Variants in ADGRV1 observed in about 807,000 individuals in gnomAD.
ADGRV1 encodes adhesion G protein-coupled receptor V1.
In ADGRV1, 359 loss-of-function variants were observed where a neutral mutation model predicts 596.2. The ratio of observed to expected loss-of-function variants is 0.60; its 90% CI spans 0.55 to 0.66. ADGRV1 has a LOEUF of 0.66. Among genes scored for constraint, ADGRV1 ranks in the 30% least tolerant of loss-of-function variants. The pLI is 0.00. For missense variants in ADGRV1, 7,274 were observed against 7,575.6 expected, an observed-to-expected ratio of 0.96 and a Z score of 1.48; for synonymous variants, 2,681 against 2,679.2, an observed-to-expected ratio of 1.00 and a Z score of -0.02.
chr5:90,783,274 A>C lies in ADGRV1; in HGVS notation c.13382A>C (p.His4461Pro). 3 of 1,613,566 alleles carry C rather than the reference A, an allele frequency of 1.9e-6. No homozygotes were observed. Among genetic ancestry groups the C allele is most frequent in the South Asian group, 2.2e-5 (2 of 91,070 alleles). Residue 4461 changes from histidine to proline, a missense_variant, in exon 66 of 90, where the codon CAT becomes CCT. Physicochemically the swap from His to Pro is moderately conservative, Grantham distance 77. Transcript: ENST00000405460. ...CATGGCAGTACAGTCACCTTTCAGC[A>C]TGGGCAAAACTTAAGTTTTATAAAT... Reference protein sequence around the residue: ...ILHGSTVTFQHGQNLSFINIS... With the variant: ...ILHGSTVTFQPGQNLSFINIS...
intron 5 of ADGRV1, among the ~76,000 whole-genome samples, chr5:90,623,344 T>C (rs1351948761): frequency 6.6e-6 from 1 of 152,200 alleles, no homozygotes; most frequent in Non-Finnish European, 1.5e-5. Context: ...AGACAGGAAA[T>C]TTTAAAATAC....
intron 77 of ADGRV1, among the ~76,000 whole-genome samples, chr5:90,838,768 G>C (rs1045805405): frequency 3.3e-5 from 5 of 152,070 alleles, no homozygotes; most frequent in Non-Finnish European, 7.3e-5. Flanking sequence ...GCTGAGCGTA[G>C]TGGTGCAAGC....
At position 90,728,752 on chromosome 5, in the gene ADGRV1, G is replaced by A. The variant is rs1002391129; in HGVS notation, c.10245G>A (p.Lys3415=). 1.2e-6 allele frequency: 2 copies of A among 1,613,808 alleles called. No individual in the cohort carries two copies. Among genetic ancestry groups the A allele is most frequent in the Non-Finnish European group, 1.7e-6 (2 of 1,179,856 alleles). Residue 3415 remains lysine (K), a synonymous_variant, in exon 49 of 90, where the codon AAG becomes AAA. Transcript: ENST00000405460. ...RGVLTVALFN[K]GGSVFLAISQ... is the part of the protein sequence containing the mutation. ...TGCTGACCGTGGCCTTGTTCAACAA[G>A]GGAGGCTCTGTGTTCTTAGCCATTT...
chr5:91,042,803 G>T (rs1785477497), intron 85 of ADGRV1, among the ~76,000 whole-genome samples: 1 of 152,108 alleles, frequency 6.6e-6, no homozygotes, highest in Non-Finnish European at 1.5e-5. Flanking sequence ...TGTGCTTGTA[G>T]ACCCATAAAT....
intron 45 of ADGRV1, among the ~76,000 whole-genome samples, chr5:90,721,576 T>TAAAAAAAAAATAAAATATAAA (rs1554094707): frequency 8.3e-6 from 1 of 119,914 alleles, no homozygotes; most frequent in African/African-American, 3.3e-5. Context: ...TAAAATAAAA[T>TAAAAAAAAAATAAAATATAAA]AAAATAAAAT....
intron 83 of ADGRV1, among the ~76,000 whole-genome samples, chr5:90,897,093 G>C (rs1166665538): frequency 2.0e-5 from 3 of 152,204 alleles, no homozygotes; most frequent in African/African-American, 7.2e-5. Flanking sequence ...ATTGTTTGTT[G>C]TTTGCACACA....
At chr5:90,602,209 G>C (rs560040407) in intron 1 of ADGRV1, among the ~76,000 whole-genome samples, 1 of 152,036 alleles carries the variant, frequency 6.6e-6, no homozygotes, top group Non-Finnish European at 1.5e-5. Context: ...ACAATGTTTC[G>C]ATGCCTGGTA....
intron 84 of ADGRV1, among the ~76,000 whole-genome samples, chr5:90,974,272 G>A (rs1470112383): frequency 2.7e-5 from 4 of 150,548 alleles, no homozygotes; most frequent in Non-Finnish European, 4.4e-5. Context: ...TGGCCATACT[G>A]CCCAAGGTAA....
At chr5:90,973,661 C>T (rs1309539370) in intron 84 of ADGRV1, among the ~76,000 whole-genome samples, 1 of 152,140 alleles carries the variant, frequency 6.6e-6, no homozygotes, top group African/African-American at 2.4e-5. Context: ...ATTCTTCATG[C>T]TAAAAACTCT....
chr5:90,823,372 A>C, intron 75 of ADGRV1, 53 bp from the exon 76 acceptor site: 1 of 1,545,698 alleles, frequency 6.5e-7, no homozygotes, highest in Non-Finnish European at 8.9e-7. Context: ...AAACTCTATT[A>C]GACATGGGGA....
chr5:91,107,059 C>T (rs903200535), intron 87 of ADGRV1, among the ~76,000 whole-genome samples: 4 of 152,114 alleles, frequency 2.6e-5, no homozygotes, highest in African/African-American at 9.7e-5. Flanking sequence ...CCATGGGGAG[C>T]TTGTTAAAAC....
At chr5:90,663,344 G>C (rs1439063061) in intron 21 of ADGRV1, among the ~76,000 whole-genome samples, 2 of 150,878 alleles carry the variant, frequency 1.3e-5, no homozygotes, top group Non-Finnish European at 2.9e-5. Flanking sequence ...GTTTTGATTT[G>C]CATTTCTCTG....
At position 91,134,966 on chromosome 5, in the gene ADGRV1, G is replaced by A. The variant is rs1401753682; in HGVS notation, c.18433-15064G>A. Among the ~76,000 whole-genome samples the A allele has an allele frequency of 3.9e-5, 6 of 152,124 alleles. No homozygotes were observed. In the East Asian group the frequency reaches 1.2e-3, roughly 29 times the overall value. On this transcript the variant is annotated intron_variant, in intron 87 of 89. Transcript: ENST00000405460. ...GGAGGCCAAGGTGGGCAGATCACTT[G>A]AGGTCAGGAGTTTGAGACTAGCCTG...
intron 87 of ADGRV1, among the ~76,000 whole-genome samples, chr5:91,126,607 C>CTGGAAGTGCATATTTTTCA (rs1793781036): frequency 6.6e-6 from 1 of 152,196 alleles, no homozygotes; most frequent in Admixed American, 6.5e-5. Context: ...ACCAAGTTTA[C>CTGGAAGTGCATATTTTTCA]TGGAAGTGCA....
chr5:90,766,227 T>C (rs967347849), intron 59 of ADGRV1, among the ~76,000 whole-genome samples: 1 of 152,090 alleles, frequency 6.6e-6, no homozygotes, highest in Non-Finnish European at 1.5e-5. Context: ...AATTTTTAAG[T>C]TCAGATTCTG....
chr5:90,715,916 AATT>A (rs1414024696), intron 42 of ADGRV1, among the ~76,000 whole-genome samples: 2 of 152,186 alleles, frequency 1.3e-5, no homozygotes, highest in Non-Finnish European at 2.9e-5. Context: ...TATTAGTTGT[AATT>A]ATTATTAATA....
chr5:90,782,141 A>G (rs1758915695), intron 65 of ADGRV1, among the ~76,000 whole-genome samples: 1 of 152,184 alleles, frequency 6.6e-6, no homozygotes, highest in Non-Finnish European at 1.5e-5. Flanking sequence ...GATTTTATTC[A>G]AAGGCAGAAT....
Position 90,925,347 on chromosome 5 carries a change from A to G in ADGRV1, c.17857-40068A>G, listed in dbSNP as rs550390818. Among the ~76,000 whole-genome samples, 13 of 151,184 alleles carry G rather than the reference A, an allele frequency of 8.6e-5. No homozygotes were observed. The South Asian group carries it at 2.7e-3, about 32-fold the overall frequency. ...AGTTCTCCTTGAAGAGGTCCTTCAC[A>G]TCCCTTGTAAGTTGGATTCCTAGGT... On this transcript the variant is annotated intron_variant, in intron 83 of 89. Coordinates refer to ENST00000405460, the MANE Select transcript of ADGRV1 (RefSeq NM_032119.4).
intron 83 of ADGRV1, among the ~76,000 whole-genome samples, chr5:90,951,013 T>C (rs189904675): frequency 8.5e-5 from 13 of 152,268 alleles, no homozygotes; most frequent in African/African-American, 3.1e-4. Flanking sequence ...AGCAAGCAAT[T>C]GTGTTATAAA....
Sources: gnomAD v4.1 joint callset for allele counts (sites outside exome capture counted in the v4.1 genomes callset) on GRCh38, gnomAD v4.1.1 for gene constraint, MANE v1.5 for transcripts, NCBI Gene and HGNC (gene_info 2026-07-23, HGNC 2026-07-21) for gene names.